Variants in TMEM165 observed in about 807,000 individuals in gnomAD.
TMEM165 encodes putative divalent cation/proton antiporter TMEM165.
A neutral mutation model predicts 30.0 loss-of-function variants in TMEM165; 19 were observed. The observed-to-expected ratio is 0.63, with a 90% confidence interval of 0.44 to 0.93. The LOEUF is 0.93. TMEM165 is among the 40% of genes least tolerant of loss of function. TMEM165 has a pLI of 0.00. For synonymous variants in TMEM165, 168 were observed against 162.9 expected (o/e 1.03, Z -0.24); for missense variants, 340 against 417.0 (o/e 0.82, Z 1.61).
At chr4:55,420,091 A>G (rs1350336238) in intron 4 of TMEM165, among the ~76,000 whole-genome samples, 1 of 63,038 alleles carries the variant, frequency 1.6e-5, no homozygotes, top group Non-Finnish European at 3.2e-5. Context: ...GTGAGACACT[A>G]TCTTAAGAAA....
intron 2 of TMEM165, chr4:55,415,348 G>C (rs1364055997): frequency 2.0e-5 from 3 of 152,128 alleles, no homozygotes; most frequent in Non-Finnish European, 4.4e-5. Context: ...TCTCCAAACT[G>C]TGTCCTGTGT....
At chr4:55,448,190 T>C (rs1309764645) in intron 3 of TMEM165, among the ~76,000 whole-genome samples, 1 of 152,214 alleles carries the variant, frequency 6.6e-6, no homozygotes. Flanking sequence ...CCTCTAGATG[T>C]AATGGTTTTT....
intron 3 of TMEM165, chr4:55,435,677 A>G: frequency 7.2e-7 from 1 of 1,395,012 alleles, no homozygotes; most frequent in African/African-American, 1.4e-5. Context: ...TCCCCTGTCC[A>G]TAGGGACAAA....
At chr4:55,427,389 C>T (rs1722264615), downstream of TMEM165, among the ~76,000 whole-genome samples, 1 of 150,842 alleles carries the variant, frequency 6.6e-6, no homozygotes, top group South Asian at 2.1e-4. Context: ...GTCACCTGGG[C>T]TGGAATGCAG....
At chr4:55,427,434 C>CTGAG (rs534231672), downstream of TMEM165, among the ~76,000 whole-genome samples, 102 of 152,002 alleles carry the variant, frequency 6.7e-4, no homozygotes, top group African/African-American at 2.2e-3. Flanking sequence ...CCTCTGCCTC[C>CTGAG]TGAGTTCAAG....
chr4:55,424,487 G>A (rs1314081457), intron 4 of TMEM165, 51 bp from the exon 5 acceptor site: 2 of 1,090,222 alleles, frequency 1.8e-6, no homozygotes, highest in Admixed American at 1.8e-5. Context: ...TGGTTCTCAA[G>A]CAGCAGTTGT....
intron 4 of TMEM165, among the ~76,000 whole-genome samples, chr4:55,419,740 T>C (rs1453299240): frequency 1.3e-5 from 2 of 152,042 alleles, no homozygotes; most frequent in Non-Finnish European, 2.9e-5. Flanking sequence ...TGTTTCTAAT[T>C]CCTTGGAACT....
chr4:55,405,164 C>G (rs903172401), intron 1 of TMEM165, among the ~76,000 whole-genome samples: 1 of 152,040 alleles, frequency 6.6e-6, no homozygotes, highest in African/African-American at 2.4e-5. Context: ...AGAGCTTTAG[C>G]TGATAAATTT....
downstream of TMEM165, chr4:55,431,073 A>C (rs1280359555): frequency 6.6e-6 from 1 of 152,238 alleles, no homozygotes; most frequent in Non-Finnish European, 1.5e-5. Flanking sequence ...ACGCCTAAGA[A>C]TAAACTTTAT....
Position 55,417,341 on chromosome 4 carries a change from T to G in TMEM165, c.609+94T>G. On this transcript the variant is annotated intron_variant, in intron 3 of 5. Coordinates refer to ENST00000381334, the MANE Select transcript of TMEM165 (RefSeq NM_018475.5). ...TCTCAGTGGCCCCATCTGTGTGATATGCGGGGCTACACAAAAATAGCTTCT... is the reference window on the plus strand; with the variant it reads ...TCTCAGTGGCCCCATCTGTGTGATAGGCGGGGCTACACAAAAATAGCTTCT... The G allele has an allele frequency of 3.2e-6, 4 of 1,250,292 alleles. No individual in the cohort carries two copies. In the South Asian group the frequency reaches 6.0e-5, roughly 19 times the overall value. 77.4% of individuals were successfully genotyped at this position (1,250,292 alleles called of 1,614,324 possible).
chr4:55,453,170 T>A (rs369276089), exon 4 of TMEM165: 16 of 1,511,590 alleles, frequency 1.1e-5, no homozygotes, highest in Non-Finnish European at 1.4e-5. Flanking sequence ...TGTCTGGTCA[T>A]TCGTTTAAAA....
intron 3 of TMEM165, chr4:55,443,983 A>G: frequency 8.2e-7 from 1 of 1,226,604 alleles, no homozygotes; most frequent in South Asian, 1.3e-5. Flanking sequence ...CAAGCTACAA[A>G]GTATGTTTAA....
downstream of TMEM165, among the ~76,000 whole-genome samples, chr4:55,427,068 C>G (rs1413023990): frequency 3.1e-4 from 45 of 145,486 alleles, no homozygotes; most frequent in African/African-American, 1.1e-3. Context: ...GAGTCTCACT[C>G]TGTCGCCCAG....
intron 2 of TMEM165, chr4:55,412,501 C>G: frequency 6.6e-6 from 1 of 150,746 alleles, no homozygotes. Context: ...ACCATCATTC[C>G]TTTAAAACAA....
At chr4:55,409,253 G>T (rs983269972) in intron 1 of TMEM165, among the ~76,000 whole-genome samples, 1 of 152,018 alleles carries the variant, frequency 6.6e-6, no homozygotes, top group Non-Finnish European at 1.5e-5. Context: ...AAATTTTTCT[G>T]ATCTTTACTG....
chr4:55,449,332 ATT>A, intron 3 of TMEM165: 1 of 1,402,856 alleles, frequency 7.1e-7, no homozygotes, highest in Non-Finnish European at 1.0e-6. Flanking sequence ...ATTTCTGAAG[ATT>A]TAGATCATTT....
intron 3 of TMEM165, among the ~76,000 whole-genome samples, chr4:55,444,445 C>A (rs1332535693): frequency 6.6e-6 from 1 of 151,916 alleles, no homozygotes; most frequent in Non-Finnish European, 1.5e-5. Context: ...ACAGAAATAC[C>A]CTCAGAAACA....
At chr4:55,453,012 G>A (rs1327325196) in exon 4 of TMEM165, 1 of 1,344,802 alleles carries the variant, frequency 7.4e-7, no homozygotes, top group Non-Finnish European at 1.0e-6. Flanking sequence ...CTTTTATTGG[G>A]GAGAAATTAA....
chr4:55,417,274 C>A, intron 3 of TMEM165, 27 bp downstream of exon 3: 1 of 1,593,444 alleles, frequency 6.3e-7, no homozygotes, highest in Non-Finnish European at 8.5e-7. Flanking sequence ...TTGATCTGGA[C>A]CAAAAAGGCA....
Sources: allele counts gnomAD v4.1 joint callset (sites outside exome capture counted in the v4.1 genomes callset), GRCh38; gene constraint gnomAD v4.1.1; transcripts MANE v1.5; gene names NCBI Gene and HGNC (gene_info 2026-07-23, HGNC 2026-07-21).